Variants in ANAPC10 observed in about 807,000 individuals in gnomAD.
ANAPC10 encodes the protein anaphase-promoting complex subunit 10.
A neutral mutation model predicts 22.0 loss-of-function variants in ANAPC10; 12 were observed. The observed-to-expected ratio is 0.55, with a 90% CI of 0.35 to 0.88. The LOEUF is 0.88. ANAPC10 is among the 40% of genes least tolerant of loss of function. The pLI is 0.01. For synonymous variants in ANAPC10, 65 were observed against 69.5 expected (o/e 0.94, Z 0.32); for missense variants, 188 against 220.9 (o/e 0.85, Z 0.94).
At chr4:145,026,741 A>T (rs1736712233) in intron 4 of ANAPC10, among the ~76,000 whole-genome samples, 1 of 3,820 alleles carries the variant, frequency 2.6e-4, no homozygotes. Context: ...AACTCCAAAG[A>T]GAGGCAGTGA....
At chr4:145,078,968 G>T (rs1057051083) in intron 3 of ANAPC10, among the ~76,000 whole-genome samples, 29 of 152,068 alleles carry the variant, frequency 1.9e-4, no homozygotes, top group African/African-American at 6.7e-4. Context: ...TAGAACATAG[G>T]ACCTAATAAA....
chr4:145,034,575 G>GTGTGTA (rs750027962), intron 4 of ANAPC10, among the ~76,000 whole-genome samples: 9 of 125,626 alleles, frequency 7.2e-5, no homozygotes, highest in African/African-American at 3.1e-4. Flanking sequence ...GTGTGTGTGT[G>GTGTGTA]TATATATCCC....
chr4:145,013,389 A>G (rs949213280), intron 4 of ANAPC10, among the ~76,000 whole-genome samples: 1 of 152,140 alleles, frequency 6.6e-6, no homozygotes, highest in African/African-American at 2.4e-5. Context: ...AAATTAACCA[A>G]TGTAATGACT....
chr4:145,012,498 TAA>T (rs1341310490), intron 4 of ANAPC10, among the ~76,000 whole-genome samples: 1 of 152,036 alleles, frequency 6.6e-6, no homozygotes, highest in Non-Finnish European at 1.5e-5. Context: ...AGTTGAAAAC[TAA>T]AATATCTGTA....
At chr4:145,041,316 C>T (rs545545293) in intron 4 of ANAPC10, among the ~76,000 whole-genome samples, 1 of 152,318 alleles carries the variant, frequency 6.6e-6, no homozygotes, top group South Asian at 2.1e-4. Context: ...CTATTACTTA[C>T]AGCTTAGATA....
intron 2 of ANAPC10, among the ~76,000 whole-genome samples, chr4:145,094,701 T>C (rs1006828226): frequency 1.3e-5 from 2 of 151,870 alleles, no homozygotes; most frequent in African/African-American, 4.8e-5. Flanking sequence ...TATAAAATTA[T>C]GGGTTACAAG....
intron 4 of ANAPC10, among the ~76,000 whole-genome samples, chr4:145,063,570 C>T (rs1743224737): frequency 6.6e-6 from 1 of 152,036 alleles, no homozygotes; most frequent in Admixed American, 6.5e-5. Context: ...AAGTGCTTCC[C>T]AAATCTCTCA....
intron 2 of ANAPC10, among the ~76,000 whole-genome samples, chr4:145,093,991 C>T (rs1012549714): frequency 1.3e-5 from 2 of 152,122 alleles, no homozygotes; most frequent in Non-Finnish European, 2.9e-5. Context: ...TCAGTTTTGC[C>T]TTATTCTACT....
intron 3 of ANAPC10, among the ~76,000 whole-genome samples, chr4:145,068,345 G>C (rs1744007724): frequency 6.6e-6 from 1 of 151,900 alleles, no homozygotes; most frequent in South Asian, 2.1e-4. Context: ...ATTTAATCCA[G>C]GTCTATGTGA....
At chr4:145,030,469 G>A (rs1474283122) in intron 4 of ANAPC10, among the ~76,000 whole-genome samples, 1 of 152,216 alleles carries the variant, frequency 6.6e-6, no homozygotes, top group Non-Finnish European at 1.5e-5. Context: ...CTGGACACTG[G>A]CTCTGAGCTG....
At chr4:145,043,370 T>A (rs1422041686) in intron 4 of ANAPC10, among the ~76,000 whole-genome samples, 1 of 151,788 alleles carries the variant, frequency 6.6e-6, no homozygotes, top group Non-Finnish European at 1.5e-5. Context: ...ATTAATCCTT[T>A]TTTTGTAAGT....
At chr4:145,044,109 A>G (rs559718496) in intron 4 of ANAPC10, among the ~76,000 whole-genome samples, 1 of 152,132 alleles carries the variant, frequency 6.6e-6, no homozygotes, top group Non-Finnish European at 1.5e-5. Flanking sequence ...ACTAAAAAAC[A>G]AAACAAAAAA....
chr4:145,066,151 T>TA (rs1430042574), intron 3 of ANAPC10, among the ~76,000 whole-genome samples: 1 of 152,188 alleles, frequency 6.6e-6, no homozygotes, highest in African/African-American at 2.4e-5. Context: ...AGGGGCTCTG[T>TA]AGCTCTTAGT....
intron 4 of ANAPC10, among the ~76,000 whole-genome samples, chr4:145,020,843 A>T (rs887809108): frequency 3.3e-5 from 5 of 151,984 alleles, no homozygotes; most frequent in Admixed American, 1.3e-4. Flanking sequence ...AGCTGCAAAA[A>T]AAAAAATAAA....
chr4:145,043,333 A>G (rs34577920), intron 4 of ANAPC10, among the ~76,000 whole-genome samples: 2,157 of 152,318 alleles, frequency 0.014, 52 homozygotes, highest in African/African-American at 0.049. Context: ...TATTAAAACA[A>G]TAAGTAATCA....
In ANAPC10 at chr4:145,053,776, T is replaced by C. The variant is rs578095910; in HGVS notation, c.327+10796A>G. On this transcript the variant is annotated intron_variant, in intron 4 of 4. Coordinates refer to ENST00000507656, the MANE Select transcript of ANAPC10 (RefSeq NM_001256706.2). ...TGATTCTTCATTCACATGTAAAACATGAGGCTGAAAAAAAAAAAAGGTTCC... is the reference window on the plus strand; with the variant it reads ...TGATTCTTCATTCACATGTAAAACACGAGGCTGAAAAAAAAAAAAGGTTCC... The C allele has an allele frequency of 4.6e-4, 299 of 656,052 alleles. No homozygotes were observed. The African/African-American group carries it at 4.8e-3, about 11-fold the overall frequency. The allele number at this position is 656,052 out of a possible 1,614,324, so 40.6% of individuals were successfully genotyped here. A position where few individuals can be genotyped will look rare whatever the true frequency, so the allele number is the denominator to read the frequency against.
At chr4:145,097,799 A>T in intron 1 of ANAPC10, 1 of 342,194 alleles carries the variant, frequency 2.9e-6, no homozygotes, top group Non-Finnish European at 5.7e-6. Flanking sequence ...TTTAGGGCAG[A>T]ATTCAACTGC....
intron 4 of ANAPC10, among the ~76,000 whole-genome samples, chr4:145,028,390 C>G (rs963352894): frequency 8.5e-5 from 13 of 152,130 alleles, no homozygotes; most frequent in African/African-American, 3.1e-4. Flanking sequence ...GAGACTTGGG[C>G]TGGTTCTCCT....
At chr4:145,004,970 G>A (rs1323965660) in intron 4 of ANAPC10, among the ~76,000 whole-genome samples, 1 of 152,012 alleles carries the variant, frequency 6.6e-6, no homozygotes, top group East Asian at 1.9e-4. Context: ...TGTGGTTCTG[G>A]GCTTTTCCTG....
Sources: gnomAD v4.1 joint callset for allele counts (sites outside exome capture counted in the v4.1 genomes callset) on GRCh38, gnomAD v4.1.1 for gene constraint, MANE v1.5 for transcripts, NCBI Gene and HGNC (gene_info 2026-07-23, HGNC 2026-07-21) for gene names.